The following CPEB2 variants were observed in gnomAD, a reference collection of about 807,000 sequenced individuals.
CPEB2 encodes the protein cytoplasmic polyadenylation element-binding protein 2.
A neutral mutation model predicts 93.6 loss-of-function variants in CPEB2; 56 were observed. The ratio of observed to expected loss-of-function variants is 0.60; its 90% CI spans 0.48 to 0.75. CPEB2 has a LOEUF of 0.75. Among genes scored for constraint, CPEB2 ranks in the 30% least tolerant of loss-of-function variants. CPEB2 has a pLI of 0.00. For synonymous variants in CPEB2, 764 were observed against 586.3 expected (o/e 1.30, Z -4.38); for missense variants, 1,579 against 1,395.1 (o/e 1.13, Z -2.10).
chr4:15,015,057 G>C (rs1354742841), intron 3 of CPEB2, among the ~76,000 whole-genome samples: 1 of 152,042 alleles, frequency 6.6e-6, no homozygotes, highest in African/African-American at 2.4e-5. Context: ...AGAGCCTAGA[G>C]AGATTTAGTG....
chr4:15,004,926 C>CTT, intron 1 of CPEB2: 1 of 150,512 alleles, frequency 6.6e-6, no homozygotes, highest in Non-Finnish European at 1.5e-5. Context: ...GGCGGAAAGG[C>CTT]TTTTTTTTTT....
Position 15,017,248 on chromosome 4 carries a change from A to AT in CPEB2, c.2097dup (p.Met700TyrfsTer6). On this transcript the variant is annotated frameshift_variant, in exon 4 of 12. Coordinates refer to ENST00000538197, the MANE Select transcript of CPEB2 (RefSeq NM_001177382.2). LOFTEE classifies it high-confidence loss of function. ...CTCTTTGGAAAATTCCCTTATCGAT[A>AT]TTATGAGAGCAGAGCATGATCCTCT... The AT allele has an allele frequency of 6.2e-7, 1 of 1,600,326 alleles. No homozygotes were observed. The highest frequency in any genetic ancestry group is 8.5e-7 in the Non-Finnish European group (1 of 1,169,644).
intron 4 of CPEB2, among the ~76,000 whole-genome samples, chr4:15,022,375 A>G (rs1724910569): frequency 6.6e-6 from 1 of 152,176 alleles, no homozygotes; most frequent in African/African-American, 2.4e-5. Context: ...AAAGGGGTGC[A>G]TTTCTCAAAA....
At chr4:15,038,393 T>G (rs1386049935) in intron 5 of CPEB2, among the ~76,000 whole-genome samples, 1 of 152,156 alleles carries the variant, frequency 6.6e-6, no homozygotes, top group Non-Finnish European at 1.5e-5. Flanking sequence ...ATGAAAATAT[T>G]TTTATTTGCT....
rs573325360 is a variant in CPEB2, at chr4:15,015,514, A to G, written c.2035-1674A>G. Among the ~76,000 whole-genome samples, 4 of 152,146 alleles carry G rather than the reference A, an allele frequency of 2.6e-5. No individual in the cohort carries two copies. In the East Asian group the frequency reaches 7.7e-4, roughly 29 times the overall value. ...ACTTAGTCTACAGTACTGATTCTGA[A>G]CCCCTAGCTTTAAAAAGGCTACAAC... is the stretch of plus-strand genomic sequence containing the variant. On this transcript the variant is annotated intron_variant, in intron 3 of 11. Transcript: ENST00000538197.
Position 15,002,940 on chromosome 4 carries a change from T to G in CPEB2, c.267T>G (p.His89Gln), listed in dbSNP as rs1361132950. 1.3e-6 allele frequency: 2 copies of G among 1,516,050 alleles called. No individual in the cohort carries two copies. The highest frequency in any genetic ancestry group is 4.5e-5 in the Admixed American group (2 of 44,240). 93.9% of individuals were successfully genotyped at this position (1,516,050 alleles called of 1,614,324 possible). Reference sequence around the variant, plus strand: ...CCTCTTCCTCCCCGTTCCTGGCGCATCAGCAGACCATGCAGGATGAGCTGC... The same window carrying G: ...CCTCTTCCTCCCCGTTCCTGGCGCAGCAGCAGACCATGCAGGATGAGCTGC... ...AASSSSPFLAHQQTMQDELLL... is the reference protein window; with the variant it reads ...AASSSSPFLAQQQTMQDELLL... Residue 89 changes from histidine (H) to glutamine (Q), a missense_variant, in exon 1 of 12, where the codon CAT becomes CAG. Around this residue, in one of 2 missense-constraint regions of CPEB2, gnomAD observed 1,411 missense variants for 1,056.0 expected, o/e 1.34. Transcript: ENST00000538197.
chr4:15,059,280 G>A lies in CPEB2; in HGVS notation c.2674G>A (p.Val892Ile), dbSNP rs1013702202. 1 of 1,611,836 alleles carries A rather than the reference G, an allele frequency of 6.2e-7. No individual in the cohort carries two copies. The highest frequency in any genetic ancestry group is 8.5e-7 in the Non-Finnish European group (1 of 1,178,156). Residue 892 changes from valine to isoleucine, a missense_variant, in exon 10 of 12, where the codon GTT becomes ATT. Val to Ile is a conservative substitution (Grantham distance 29). This residue lies in a region of CPEB2 where 168 missense variants were observed against 339.1 expected (regional missense o/e 0.50). Transcript: ENST00000538197. Reference protein sequence around the residue: ...DPRKTIFVGGVPRPLRAVELA... With the variant: ...DPRKTIFVGGIPRPLRAVELA... The stretch of plus-strand genomic sequence containing the variant: ...CCGAAAAACAATTTTTGTTGGAGGT[G>A]TTCCTAGGCCATTAAGGGCTGGTAA...
chr4:15,061,558 G>A (rs143896800), intron 10 of CPEB2, among the ~76,000 whole-genome samples: 1 of 151,562 alleles, frequency 6.6e-6, no homozygotes, highest in African/African-American at 2.4e-5. Flanking sequence ...TAAAGAGAAA[G>A]GGAGGAGAGG....
chr4:15,046,402 T>G (rs754352812), intron 6 of CPEB2, among the ~76,000 whole-genome samples: 4 of 152,204 alleles, frequency 2.6e-5, no homozygotes, highest in Non-Finnish European at 4.4e-5. Context: ...ATTTTTATAT[T>G]TTTAGTAGAG....
intron 3 of CPEB2, among the ~76,000 whole-genome samples, chr4:15,015,997 G>A (rs1372709509): frequency 6.6e-6 from 1 of 151,946 alleles, no homozygotes; most frequent in Non-Finnish European, 1.5e-5. Context: ...ATGCAGAAAG[G>A]GGGGACTACT....
chr4:15,016,419 G>A (rs945722469), intron 3 of CPEB2, among the ~76,000 whole-genome samples: 4 of 152,002 alleles, frequency 2.6e-5, no homozygotes, highest in African/African-American at 7.2e-5. Context: ...ATAAGCAAGT[G>A]AAGGGATTGA....
At chr4:15,037,652 A>G (rs1357584176) in intron 5 of CPEB2, among the ~76,000 whole-genome samples, 1 of 152,166 alleles carries the variant, frequency 6.6e-6, no homozygotes, top group Non-Finnish European at 1.5e-5. Context: ...CTTTTCTCAA[A>G]GCCTTCTTAT....
chr4:15,026,690 C>T (rs962473751), intron 4 of CPEB2, among the ~76,000 whole-genome samples: 12 of 152,204 alleles, frequency 7.9e-5, no homozygotes, highest in African/African-American at 1.2e-4. Context: ...AGCATTTTCT[C>T]ATAATTCATA....
chr4:15,018,364 A>T (rs2108991617), intron 4 of CPEB2, among the ~76,000 whole-genome samples: 1 of 151,784 alleles, frequency 6.6e-6, no homozygotes, highest in South Asian at 2.1e-4. Flanking sequence ...TAATTCCTTA[A>T]TTTTAAGGAG....
At chr4:15,010,578 A>G (rs1393874039) in intron 3 of CPEB2, 1 of 152,234 alleles carries the variant, frequency 6.6e-6, no homozygotes, top group Non-Finnish European at 1.5e-5. Flanking sequence ...AGCAGCTACA[A>G]AATGAAATTG....
intron 6 of CPEB2, among the ~76,000 whole-genome samples, chr4:15,043,420 C>A (rs77100103): frequency 1.1e-3 from 161 of 152,174 alleles, no homozygotes; most frequent in African/African-American, 3.8e-3. Context: ...TTAGAGCTGC[C>A]TAGGGGGCAG....
intron 6 of CPEB2, among the ~76,000 whole-genome samples, chr4:15,048,810 A>G (rs973270509): frequency 1.3e-5 from 2 of 152,152 alleles, no homozygotes; most frequent in Non-Finnish European, 2.9e-5. Context: ...AAACATACGT[A>G]TGGTATCCTT....
At chr4:15,046,357 T>TTGGGATTACAGACA (rs1727696860) in intron 6 of CPEB2, among the ~76,000 whole-genome samples, 1 of 152,038 alleles carries the variant, frequency 6.6e-6, no homozygotes, top group Admixed American at 6.5e-5. Flanking sequence ...TTCTGAGTAG[T>TTGGGATTACAGACA]TGGGATTACA....
At chr4:15,054,358 T>C (rs1728522173) in intron 8 of CPEB2, 141 bp downstream of exon 8, 2 of 661,260 alleles carry the variant, frequency 3.0e-6, no homozygotes, top group African/African-American at 3.7e-5. Flanking sequence ...CAACAAATGT[T>C]TGAGTATTTT....
Sources: allele counts gnomAD v4.1 joint callset (sites outside exome capture counted in the v4.1 genomes callset), GRCh38; gene constraint gnomAD v4.1.1; regional missense constraint gnomAD v4.1.1; transcripts MANE v1.5; gene names NCBI Gene and HGNC (gene_info 2026-07-23, HGNC 2026-07-21).